The following VDR variants were observed in gnomAD, a reference collection of about 807,000 sequenced individuals.
VDR encodes the protein vitamin D receptor.
VDR carries 19 observed loss-of-function variants against 39.7 expected under a neutral mutation model. The ratio of observed to expected loss-of-function variants is 0.48; its 90% CI spans 0.33 to 0.70. VDR has a LOEUF of 0.70. VDR is among the 30% of genes least tolerant of loss of function. The pLI, the probability that VDR is intolerant of heterozygous loss-of-function variation, is 0.02. For synonymous variants in VDR, 242 were observed against 215.8 expected, an observed-to-expected ratio of 1.12 and a Z score of -1.07; for missense variants, 442 against 570.5, an observed-to-expected ratio of 0.77 and a Z score of 2.29.
chr12:47,874,862 T>C (rs1225312618), intron 3 of VDR, among the ~76,000 whole-genome samples: 7 of 152,224 alleles, frequency 4.6e-5, no homozygotes, highest in Non-Finnish European at 8.8e-5. Flanking sequence ...ATATGGATCA[T>C]CCACTATATA....
intron 1 of VDR, among the ~76,000 whole-genome samples, chr12:47,900,844 G>A (rs1003915486): frequency 3.9e-5 from 6 of 152,154 alleles, no homozygotes; most frequent in Non-Finnish European, 7.3e-5. Context: ...CTTTCCCGCC[G>A]GTGCAGCTGC....
Position 47,855,660 on chromosome 12 carries a change from A to G in VDR, c.725T>C (p.Ile242Thr), listed in dbSNP as rs560458649. ...TCCTGGTATCATCTTAGCAAAGCCA[A>G]TGACCTTTTGGATGCTGTAACTGAC... Reference protein sequence around the residue: ...DLVSYSIQKVIGFAKMIPGFR... With the variant: ...DLVSYSIQKVTGFAKMIPGFR... Residue 242 changes from isoleucine (I) to threonine (T), a missense_variant, in exon 7 of 10, where the codon ATT (isoleucine) becomes ACT (threonine). Coordinates refer to ENST00000549336, the MANE Select transcript of VDR (RefSeq NM_000376.3). 9.3e-6 allele frequency: 15 copies of G among 1,614,184 alleles called. No individual in the cohort carries two copies. Among genetic ancestry groups the G allele is most frequent in the East Asian group, 2.2e-5 (1 of 44,890 alleles).
intron 1 of VDR, among the ~76,000 whole-genome samples, chr12:47,890,947 G>A (rs1946358592): frequency 6.6e-6 from 1 of 152,184 alleles, no homozygotes; most frequent in Non-Finnish European, 1.5e-5. Context: ...CCAGGCCTGA[G>A]CCACTCTTGC....
chr12:47,845,157 G>T, intron 9 of VDR, 152 bp from the exon 10 acceptor site: 1 of 1,242,392 alleles, frequency 8.0e-7, no homozygotes. Context: ...CCACTGCCTG[G>T]CCCCAAAGCC....
intron 4 of VDR, among the ~76,000 whole-genome samples, chr12:47,861,116 G>A (rs1186773705): frequency 6.6e-6 from 1 of 152,268 alleles, no homozygotes; most frequent in African/African-American, 2.4e-5. Context: ...TGGTTCTGGA[G>A]TGGAAGGTCA....
chr12:47,899,634 G>C (rs12309705), intron 1 of VDR, among the ~76,000 whole-genome samples: 33 of 152,340 alleles, frequency 2.2e-4, no homozygotes, highest in Non-Finnish European at 3.8e-4. Flanking sequence ...AGACCCACAG[G>C]GGGTGGGGCA....
intron 7 of VDR, among the ~76,000 whole-genome samples, chr12:47,853,447 A>T (rs572868056): frequency 0.017 from 1,704 of 102,110 alleles, 49 homozygotes; most frequent in African/African-American, 0.1. Context: ...TGCCTCAATT[A>T]AAAAAAAAAA....
At chr12:47,856,023 A>T (rs1412540816) in intron 6 of VDR, among the ~76,000 whole-genome samples, 3 of 152,202 alleles carry the variant, frequency 2.0e-5, no homozygotes, top group Non-Finnish European at 4.4e-5. Flanking sequence ...AGACACTCAG[A>T]GCAATGAGAC....
intron 3 of VDR, among the ~76,000 whole-genome samples, chr12:47,872,115 C>A (rs1225768730): frequency 6.6e-6 from 1 of 152,234 alleles, no homozygotes; most frequent in African/African-American, 2.4e-5. Flanking sequence ...AAAAAATCCA[C>A]TACCCACTAC....
intron 7 of VDR, 62 bp downstream of exon 7, chr12:47,855,568 C>T (rs1032883324): frequency 3.8e-6 from 6 of 1,587,730 alleles, no homozygotes; most frequent in Non-Finnish European, 5.2e-6. Flanking sequence ...GATCTCCAAC[C>T]CTTCTTGTAG....
intron 1 of VDR, among the ~76,000 whole-genome samples, chr12:47,893,941 T>C (rs1946416870): frequency 6.6e-6 from 1 of 152,164 alleles, no homozygotes; most frequent in African/African-American, 2.4e-5. Flanking sequence ...ACCCTCTTGG[T>C]TCAACGTTTC....
At chr12:47,858,708 C>T (rs920886289) in intron 4 of VDR, among the ~76,000 whole-genome samples, 2 of 152,270 alleles carry the variant, frequency 1.3e-5, no homozygotes, top group Non-Finnish European at 2.9e-5. Flanking sequence ...GGCCTTTGGC[C>T]TGTAGCTACT....
At chr12:47,882,821 C>A (rs1397285054) in intron 1 of VDR, 47 bp from the exon 2 acceptor site, 1 of 1,475,664 alleles carries the variant, frequency 6.8e-7, no homozygotes, top group Non-Finnish European at 9.1e-7. Context: ...GAGCGCTGAC[C>A]GCCTCCCCAG....
At chr12:47,881,462 C>T (rs1946148572) in intron 2 of VDR, among the ~76,000 whole-genome samples, 1 of 152,002 alleles carries the variant, frequency 6.6e-6, no homozygotes. Context: ...AACAAACCTG[C>T]ACAGGTACCC....
intron 1 of VDR, among the ~76,000 whole-genome samples, chr12:47,897,586 G>T (rs1243731191): frequency 6.6e-6 from 1 of 152,196 alleles, no homozygotes; most frequent in Non-Finnish European, 1.5e-5. Context: ...TGAATATCTG[G>T]CTGTTTATGT....
At chr12:47,895,300 A>G (rs74727413) in intron 1 of VDR, among the ~76,000 whole-genome samples, 1 of 152,254 alleles carries the variant, frequency 6.6e-6, no homozygotes, top group East Asian at 1.9e-4. Context: ...TTTGTGCCTT[A>G]AGACCCTATC....
At chr12:47,871,293 T>TTTCTTTCTTC (rs1945857116) in intron 3 of VDR, among the ~76,000 whole-genome samples, 2 of 8,488 alleles carry the variant, frequency 2.4e-4, no homozygotes, top group African/African-American at 5.8e-4. Context: ...TTTCTCTTTC[T>TTTCTTTCTTC]CTTTCTTTCT....
chr12:47,860,860 TGTAATAAAAAGAA>T (rs780040473), intron 4 of VDR, among the ~76,000 whole-genome samples: 1,721 of 152,350 alleles, frequency 0.011, 21 homozygotes, highest in Middle Eastern at 0.02. Context: ...TCAAGTTTGA[TGTAATAAAAAGAA>T]AATATTCGTA....
In VDR at chr12:47,844,851, G is replaced by C; in HGVS notation, c.1179C>G (p.Leu393=). The change falls in exon 10 of 10, where the codon CTC becomes CTG. Residue 393 remains leucine (L), a synonymous_variant. Coordinates refer to ENST00000549336, the MANE Select transcript of VDR (RefSeq NM_000376.3). The part of the protein sequence containing the change: ...MIQKLADLRS[L]NEEHSKQYRC... The stretch of plus-strand genomic sequence containing the variant: ...GGTACTGCTTGGAGTGCTCCTCATT[G>C]AGGCTGCGCAGGTCGGCTAGCTTCT... 6.2e-7 allele frequency: 1 copy of C among 1,614,218 alleles called. No homozygotes were observed. Among genetic ancestry groups the C allele is most frequent in the Non-Finnish European group, 8.5e-7 (1 of 1,180,032 alleles).
Sources: allele counts gnomAD v4.1 joint callset (sites outside exome capture counted in the v4.1 genomes callset), GRCh38; gene constraint gnomAD v4.1.1; transcripts MANE v1.5; gene names NCBI Gene and HGNC (gene_info 2026-07-23, HGNC 2026-07-21).